The following MKRN1 variants were observed in gnomAD, a reference collection of about 807,000 sequenced individuals.
The protein encoded by MKRN1 is E3 ubiquitin-protein ligase makorin-1.
Under a neutral mutation model 55.5 loss-of-function variants are expected in MKRN1, and 9 were observed. The ratio of observed to expected loss-of-function variants is 0.16; its 90% CI spans 0.10 to 0.28. MKRN1 has a LOEUF of 0.28. Ranked by LOEUF, MKRN1 falls within the 10% of genes least tolerant of loss-of-function variation. The pLI is 1.00. For missense variants in MKRN1, 488 were observed against 626.7 expected, an observed-to-expected ratio of 0.78 and a Z score of 2.36; for synonymous variants, 253 against 235.9, an observed-to-expected ratio of 1.07 and a Z score of -0.66.
At chr7:140,458,932 TA>T in intron 4 of MKRN1, 74 bp downstream of exon 4, 1 of 1,485,862 alleles carries the variant, frequency 6.7e-7, no homozygotes, top group Non-Finnish European at 9.3e-7. Flanking sequence ...TTCTCTGAAA[TA>T]AACCCACAAT....
At position 140,479,447 on chromosome 7, in the gene MKRN1, G is replaced by A. The variant is rs1006487287; in HGVS notation, c.-103C>T. ...GCGAGGCCAGGCGAGGGGAGGGGAA[G>A]GACACTGAGGCACCCGTTCGGTCCC... is the stretch of plus-strand genomic sequence containing the variant. On this transcript the variant is annotated 5_prime_UTR_variant, in exon 1 of 8. Transcript: ENST00000255977. 3.4e-6 allele frequency: 4 copies of A among 1,161,304 alleles called. No individual in the cohort carries two copies. Among genetic ancestry groups the A allele is most frequent in the Non-Finnish European group, 4.4e-6 (4 of 917,522 alleles). The allele number at this position is 1,161,304 out of a possible 1,614,324, so 71.9% of individuals were successfully genotyped here. A position where few individuals can be genotyped will look rare whatever the true frequency, so the allele number is the denominator to read the frequency against.
chr7:140,474,004 A>AAG (rs1795023425), intron 1 of MKRN1, among the ~76,000 whole-genome samples: 1 of 93,660 alleles, frequency 1.1e-5, no homozygotes, highest in African/African-American at 6.4e-5. Flanking sequence ...AAAAAAAAAA[A>AAG]AAAAGAAAGA....
intron 4 of MKRN1, 173 bp from the exon 5 acceptor site, chr7:140,457,039 TTTTTG>T (rs1279036682): frequency 4.0e-5 from 27 of 673,450 alleles, no homozygotes; most frequent in South Asian, 1.2e-4. Context: ...TGGTGTTTTT[TTTTTG>T]TTTGTTTGTT....
intron 6 of MKRN1, 26 bp downstream of exon 6, chr7:140,455,764 T>C: frequency 6.4e-7 from 1 of 1,567,226 alleles, no homozygotes; most frequent in Non-Finnish European, 8.8e-7. Context: ...GGCTCTTCGC[T>C]TGAGAAAAGG....
At chr7:140,463,050 A>C (rs1423470384) in intron 2 of MKRN1, among the ~76,000 whole-genome samples, 1 of 152,210 alleles carries the variant, frequency 6.6e-6, no homozygotes, top group African/African-American at 2.4e-5. Flanking sequence ...ACTTGAGGTC[A>C]GGAGTTCGAG....
At chr7:140,474,042 AAAG>A (rs1430282389) in intron 1 of MKRN1, among the ~76,000 whole-genome samples, 1 of 90,580 alleles carries the variant, frequency 1.1e-5, no homozygotes, top group African/African-American at 1.4e-4. Flanking sequence ...AGAAAGAAAG[AAAG>A]AAAGAAAGAA....
intron 2 of MKRN1, among the ~76,000 whole-genome samples, chr7:140,471,676 C>T (rs1213764736): frequency 3.3e-5 from 5 of 152,114 alleles, no homozygotes; most frequent in Non-Finnish European, 7.4e-5. Flanking sequence ...CACTAGGTTA[C>T]CCAGGCTGGT....
intron 1 of MKRN1, among the ~76,000 whole-genome samples, chr7:140,476,583 A>C (rs1585501496): frequency 6.6e-6 from 1 of 150,396 alleles, no homozygotes; most frequent in African/African-American, 2.5e-5. Flanking sequence ...GAATCTTACA[A>C]AGTTCCTGTT....
At chr7:140,455,426 G>T in intron 6 of MKRN1, 193 bp from the exon 7 acceptor site, 2 of 659,348 alleles carry the variant, frequency 3.0e-6, no homozygotes, top group Non-Finnish European at 5.1e-6. Flanking sequence ...CTCTGTTCAA[G>T]TCTATGCTGG....
At chr7:140,458,951 A>T in intron 4 of MKRN1, 56 bp downstream of exon 4, 1 of 1,559,936 alleles carries the variant, frequency 6.4e-7, no homozygotes, top group Non-Finnish European at 8.8e-7. Context: ...AATGCTGTGA[A>T]AGGGCAAATA....
chr7:140,454,145 G>A lies in MKRN1; in HGVS notation c.*372C>T. The A allele has an allele frequency of 3.4e-6, 1 of 298,292 alleles. No individual in the cohort carries two copies. Among genetic ancestry groups the A allele is most frequent in the Non-Finnish European group, 6.6e-6 (1 of 151,936 alleles). The allele number at this position is 298,292 out of a possible 1,614,324, so 18.5% of individuals were successfully genotyped here. ...CCCTTCACCCATCACTCCTATTCTT[G>A]GACCCCAAAGCAGGGCCACTGCTTT... On this transcript the variant is annotated 3_prime_UTR_variant, in exon 8 of 8. Coordinates refer to ENST00000255977, the MANE Select transcript of MKRN1 (RefSeq NM_013446.4).
intron 1 of MKRN1, among the ~76,000 whole-genome samples, chr7:140,476,802 G>T (rs754882059): frequency 1.2e-4 from 18 of 151,930 alleles, no homozygotes; most frequent in Non-Finnish European, 2.4e-4. Flanking sequence ...ATCATAGACC[G>T]GGTGCGGTGG....
At chr7:140,478,849 C>T in intron 1 of MKRN1, 2 of 222,128 alleles carry the variant, frequency 9.0e-6, no homozygotes, top group East Asian at 9.4e-5. Flanking sequence ...CTCCCCGATG[C>T]GCTCGCAGCC....
At chr7:140,456,344 T>G in intron 5 of MKRN1, 1 of 1,240,694 alleles carries the variant, frequency 8.1e-7, no homozygotes, top group East Asian at 4.3e-5. Flanking sequence ...TCAGGAAACA[T>G]ACATTCAGAG....
At chr7:140,468,371 T>C (rs1043631715) in intron 2 of MKRN1, among the ~76,000 whole-genome samples, 1 of 152,146 alleles carries the variant, frequency 6.6e-6, no homozygotes. Context: ...GAAGTTCTCA[T>C]GACTCTGCCT....
intron 2 of MKRN1, among the ~76,000 whole-genome samples, chr7:140,469,109 G>A (rs893499492): frequency 6.6e-6 from 1 of 151,812 alleles, no homozygotes; most frequent in Non-Finnish European, 1.5e-5. Context: ...GGCGGATCAC[G>A]AGGTCAGGAG....
At chr7:140,463,562 C>G (rs1008556739) in intron 2 of MKRN1, among the ~76,000 whole-genome samples, 7 of 152,304 alleles carry the variant, frequency 4.6e-5, no homozygotes, top group African/African-American at 1.7e-4. Context: ...TGGCAGTATT[C>G]TGAAATGTTA....
intron 3 of MKRN1, 104 bp from the exon 4 acceptor site, chr7:140,459,337 A>G (rs1794553349): frequency 9.0e-7 from 1 of 1,113,556 alleles, no homozygotes; most frequent in Admixed American, 2.2e-5. Flanking sequence ...CTGCAATGAA[A>G]TACCAAAACA....
Position 140,479,114 on chromosome 7 carries a change from C to T in MKRN1, c.185+46G>A, listed in dbSNP as rs1477984894. 4.7e-6 allele frequency: 6 copies of T among 1,288,870 alleles called. No individual in the cohort carries two copies. In the Admixed American group the frequency reaches 2.5e-4, roughly 55 times the overall value. 79.8% of individuals were successfully genotyped at this position (1,288,870 alleles called of 1,614,324 possible). A position where few individuals can be genotyped will look rare whatever the true frequency, so the allele number is the denominator to read the frequency against. On this transcript the variant is annotated intron_variant, in intron 1 of 7. Transcript: ENST00000255977. The stretch of plus-strand genomic sequence containing the variant: ...TCCCTCCCGCGCCGCAGGCTTGGCC[C>T]GCGGCCCCCTCCCCGCGCCCGGCGC...
Sources: allele counts gnomAD v4.1 joint callset (sites outside exome capture counted in the v4.1 genomes callset), GRCh38; gene constraint gnomAD v4.1.1; transcripts MANE v1.5; gene names NCBI Gene and HGNC (gene_info 2026-07-23, HGNC 2026-07-21).